Variants in MTSS1 observed in about 807,000 individuals in gnomAD.
The protein encoded by MTSS1 is MTSS I-BAR domain containing 1.
Under a neutral mutation model 79.0 loss-of-function variants are expected in MTSS1, and 18 were observed. The observed-to-expected ratio is 0.23, with a 90% CI of 0.16 to 0.34. The LOEUF is 0.34. MTSS1 is among the 10% of genes least tolerant of loss of function. MTSS1 has a pLI of 1.00. For synonymous variants in MTSS1, 341 were observed against 368.6 expected (o/e 0.93, Z 0.86); for missense variants, 815 against 986.2 (o/e 0.83, Z 2.33).
At chr8:124,629,312 A>C (rs1238383018) in intron 3 of MTSS1, among the ~76,000 whole-genome samples, 2 of 151,818 alleles carry the variant, frequency 1.3e-5, no homozygotes, top group Non-Finnish European at 2.9e-5. Flanking sequence ...CAGGAGATGG[A>C]GACCATGCTG....
At chr8:124,587,530 G>T (rs1385975087) in intron 5 of MTSS1, among the ~76,000 whole-genome samples, 3 of 152,138 alleles carry the variant, frequency 2.0e-5, no homozygotes, top group Non-Finnish European at 4.4e-5. Flanking sequence ...ATGGAGTCTT[G>T]CTGTGTTGTC....
chr8:124,600,571 C>T (rs1313293674), intron 3 of MTSS1, among the ~76,000 whole-genome samples: 3 of 152,106 alleles, frequency 2.0e-5, no homozygotes, highest in East Asian at 1.9e-4. Context: ...TTAGGCAGAG[C>T]GGTGATGTAG....
chr8:124,635,597 T>C (rs1816830984), intron 3 of MTSS1, among the ~76,000 whole-genome samples: 1 of 152,194 alleles, frequency 6.6e-6, no homozygotes. Flanking sequence ...TCTATTCTAA[T>C]CAGCAGCTTT....
At chr8:124,599,310 C>T (rs1261482346) in intron 3 of MTSS1, among the ~76,000 whole-genome samples, 1 of 151,992 alleles carries the variant, frequency 6.6e-6, no homozygotes, top group Admixed American at 6.6e-5. Flanking sequence ...ATGGTGAAAC[C>T]CTGTCTCTAC....
In MTSS1 at chr8:124,721,977, G is replaced by A. The variant is rs186463783; in HGVS notation, c.72+5907C>T. Among the ~76,000 whole-genome samples the A allele has an allele frequency of 3.3e-5, 5 of 152,304 alleles. No homozygotes were observed. The East Asian group carries it at 9.7e-4, about 29-fold the overall frequency. ...CCTTGGAGCCCCTGTCGCATAGTAG[G>A]CAGCAGAGGGGACCCAGGCAAAACC... On this transcript the variant is annotated intron_variant, in intron 1 of 13. Coordinates refer to ENST00000518547, the MANE Select transcript of MTSS1 (RefSeq NM_014751.6).
At chr8:124,638,408 G>A (rs1369582215) in intron 3 of MTSS1, among the ~76,000 whole-genome samples, 1 of 152,204 alleles carries the variant, frequency 6.6e-6, no homozygotes, top group Non-Finnish European at 1.5e-5. Context: ...ATGTTGATAA[G>A]TGGCGCTTCA....
intron 11 of MTSS1, 21 bp from the exon 12 acceptor site, chr8:124,556,426 C>G (rs1413557841): frequency 6.3e-7 from 1 of 1,588,598 alleles, no homozygotes. Context: ...CAAGTGCGGT[C>G]AGGAGCCAGG....
chr8:124,565,892 A>ATT, intron 8 of MTSS1, 133 bp from the exon 9 acceptor site: 1 of 616,724 alleles, frequency 1.6e-6, no homozygotes, highest in Non-Finnish European at 2.7e-6. Flanking sequence ...ATGTTAAAAA[A>ATT]ATTTTTTTTA....
intron 3 of MTSS1, among the ~76,000 whole-genome samples, chr8:124,629,496 A>G (rs1271956571): frequency 9.4e-5 from 11 of 117,172 alleles, no homozygotes; most frequent in Non-Finnish European, 1.8e-4. Flanking sequence ...AGCCTGAATG[A>G]CTCCGTCTCA....
intron 3 of MTSS1, among the ~76,000 whole-genome samples, chr8:124,694,277 C>T (rs539654392): frequency 5.3e-5 from 8 of 152,074 alleles, no homozygotes; most frequent in Non-Finnish European, 5.9e-5. Flanking sequence ...ACTGTGCCAT[C>T]TGCTTGTGTC....
chr8:124,726,339 C>A (rs543028594), intron 1 of MTSS1, among the ~76,000 whole-genome samples: 1 of 152,298 alleles, frequency 6.6e-6, no homozygotes, highest in African/African-American at 2.4e-5. Context: ...CAGATGTGAT[C>A]ACTCCAGGAC....
chr8:124,724,982 C>T (rs1833480048), intron 1 of MTSS1, among the ~76,000 whole-genome samples: 1 of 152,182 alleles, frequency 6.6e-6, no homozygotes, highest in South Asian at 2.1e-4. Flanking sequence ...CAGCGATTTA[C>T]TAATTTGCAT....
chr8:124,590,147 G>A (rs974114944), intron 4 of MTSS1, among the ~76,000 whole-genome samples: 5 of 152,200 alleles, frequency 3.3e-5, no homozygotes, highest in Non-Finnish European at 5.9e-5. Flanking sequence ...GAGCCACCGC[G>A]CCTGGCCCCA....
intron 10 of MTSS1, among the ~76,000 whole-genome samples, chr8:124,561,288 C>T (rs1407314479): frequency 2.0e-5 from 3 of 152,086 alleles, no homozygotes; most frequent in African/African-American, 4.8e-5. Context: ...AATGGTGGCG[C>T]GTGCCTGTAA....
chr8:124,676,501 G>C (rs1825314780), intron 3 of MTSS1, among the ~76,000 whole-genome samples: 1 of 152,208 alleles, frequency 6.6e-6, no homozygotes, highest in African/African-American at 2.4e-5. Flanking sequence ...ACGCAAATGT[G>C]AGGCAACCTG....
intron 3 of MTSS1, among the ~76,000 whole-genome samples, chr8:124,659,300 C>G (rs1821564140): frequency 6.6e-6 from 1 of 152,180 alleles, no homozygotes; most frequent in African/African-American, 2.4e-5. Context: ...AGTAATTTAA[C>G]AGTTCACATT....
At chr8:124,658,002 G>A (rs1314787534) in intron 3 of MTSS1, among the ~76,000 whole-genome samples, 2 of 152,258 alleles carry the variant, frequency 1.3e-5, no homozygotes, top group East Asian at 1.9e-4. Flanking sequence ...GAAAAGACAT[G>A]AGAATGATGA....
intron 3 of MTSS1, among the ~76,000 whole-genome samples, chr8:124,653,820 C>T (rs1323378186): frequency 6.6e-6 from 1 of 152,226 alleles, no homozygotes; most frequent in Non-Finnish European, 1.5e-5. Flanking sequence ...CTAGGATATA[C>T]AAGCATGTGT....
At chr8:124,585,524 C>A (rs1286892124) in intron 5 of MTSS1, among the ~76,000 whole-genome samples, 3 of 152,022 alleles carry the variant, frequency 2.0e-5, no homozygotes, top group African/African-American at 7.3e-5. Context: ...AAGCGATTCT[C>A]CCACCTCAGC....
Sources: gnomAD v4.1 joint callset for allele counts (sites outside exome capture counted in the v4.1 genomes callset) on GRCh38, gnomAD v4.1.1 for gene constraint, MANE v1.5 for transcripts, NCBI Gene and HGNC (gene_info 2026-07-23, HGNC 2026-07-21) for gene names.